Variants in RTF2 observed in about 807,000 individuals in gnomAD.
RTF2 encodes the protein UPF0549 protein C20orf43.
In RTF2, 18 loss-of-function variants were observed where a neutral mutation model predicts 38.0. That is an observed-to-expected ratio of 0.47 (90% CI 0.33 to 0.70). RTF2 has a LOEUF of 0.70. RTF2 is among the 30% of genes least tolerant of loss of function. The pLI, the probability that RTF2 is intolerant of heterozygous loss-of-function variation, is 0.02. For missense variants in RTF2, 311 were observed against 379.6 expected, an observed-to-expected ratio of 0.82 and a Z score of 1.50; for synonymous variants, 126 against 137.1, an observed-to-expected ratio of 0.92 and a Z score of 0.57.
chr20:56,512,797 C>T (rs1984763722), intron 5 of RTF2, among the ~76,000 whole-genome samples: 1 of 152,188 alleles, frequency 6.6e-6, no homozygotes, highest in African/African-American at 2.4e-5. Flanking sequence ...TCCTTACGCG[C>T]ACTCCCTCCC....
chr20:56,472,709 T>C (rs909613399), intron 1 of RTF2, among the ~76,000 whole-genome samples: 6 of 152,204 alleles, frequency 3.9e-5, no homozygotes, highest in African/African-American at 1.4e-4. Context: ...TAAGTTATTA[T>C]TAAGATTCAG....
At chr20:56,503,949 CA>C (rs1196053265) in intron 5 of RTF2, 1 of 152,688 alleles carries the variant, frequency 6.5e-6, no homozygotes, top group Non-Finnish European at 1.5e-5. Context: ...GCCTGGGTGA[CA>C]AAGTGAGACC....
intron 5 of RTF2, among the ~76,000 whole-genome samples, chr20:56,493,000 A>G (rs1983267255): frequency 6.6e-6 from 1 of 152,026 alleles, no homozygotes; most frequent in Admixed American, 6.6e-5. Flanking sequence ...ACATGGTGAC[A>G]CCTCGTCTCT....
chr20:56,517,351 G>T (rs1245054679), intron 8 of RTF2, 150 bp downstream of exon 8: 1 of 651,542 alleles, frequency 1.5e-6, no homozygotes, highest in Non-Finnish European at 2.7e-6. Context: ...CTTTAGGGGG[G>T]TAACTAAGAA....
chr20:56,470,597 A>G (rs1488994731), intron 1 of RTF2: 8 of 455,912 alleles, frequency 1.8e-5, no homozygotes, highest in Non-Finnish European at 3.5e-5. Context: ...TTGTTCTAAT[A>G]AGGCAATTAT....
intron 6 of RTF2, 199 bp from the exon 7 acceptor site, chr20:56,516,736 G>A (rs1272303931): frequency 3.2e-6 from 2 of 622,534 alleles, no homozygotes; most frequent in African/African-American, 3.7e-5. Flanking sequence ...TGAGGCAGAA[G>A]TGCATGACTG....
chr20:56,484,710 G>T (rs1418779577), intron 5 of RTF2, among the ~76,000 whole-genome samples: 1 of 152,234 alleles, frequency 6.6e-6, no homozygotes, highest in Non-Finnish European at 1.5e-5. Flanking sequence ...GCTCGCATGG[G>T]TGGCGAGTAA....
At chr20:56,512,845 C>T (rs141253375) in intron 5 of RTF2, among the ~76,000 whole-genome samples, 1,975 of 152,266 alleles carry the variant, frequency 0.013, 56 homozygotes, top group African/African-American at 0.045. Flanking sequence ...CCCCCCGCAA[C>T]GAAACTGCAA....
intron 5 of RTF2, chr20:56,504,142 CA>C (rs1307138438): frequency 6.6e-6 from 1 of 152,292 alleles, no homozygotes; most frequent in Non-Finnish European, 1.5e-5. Flanking sequence ...TCCTCCCCGG[CA>C]GCGGCGCCTG....
At chr20:56,512,981 T>G (rs1309888590) in intron 5 of RTF2, among the ~76,000 whole-genome samples, 1 of 152,166 alleles carries the variant, frequency 6.6e-6, no homozygotes, top group Non-Finnish European at 1.5e-5. Flanking sequence ...AGCAGGTAGG[T>G]GTCAGCATAG....
In RTF2 at chr20:56,491,588, T is replaced by C. The variant is rs1356460335; in HGVS notation, c.477+7399T>C. ...GTTCAGTCTCATATTGAAATGACTC[T>C]GCTGTTGAAAATGCCAGTGTGGCTC... On this transcript the variant is annotated intron_variant, in intron 5 of 8. Coordinates refer to ENST00000357348, the MANE Select transcript of RTF2 (RefSeq NM_016407.5). 5 of 1,551,250 alleles carry C rather than the reference T, an allele frequency of 3.2e-6. No homozygotes were observed. In the Admixed American group the frequency reaches 5.9e-5, roughly 18 times the overall value.
intron 5 of RTF2, among the ~76,000 whole-genome samples, chr20:56,501,432 T>TA (rs1983921996): frequency 6.6e-6 from 1 of 152,212 alleles, no homozygotes; most frequent in South Asian, 2.1e-4. Context: ...ATGCCTCTCA[T>TA]AAAAAAGTGT....
At chr20:56,505,769 T>C (rs374154712) in intron 5 of RTF2, among the ~76,000 whole-genome samples, 1 of 152,134 alleles carries the variant, frequency 6.6e-6, no homozygotes, top group Admixed American at 6.5e-5. Context: ...CTAGACGAGC[T>C]GAGCCACCCA....
intron 4 of RTF2, among the ~76,000 whole-genome samples, chr20:56,481,558 T>G (rs1982525552): frequency 6.6e-6 from 1 of 152,218 alleles, no homozygotes. Context: ...CCAGACTCAT[T>G]TACCTAACCA....
At chr20:56,515,036 A>T (rs987763089) in intron 6 of RTF2, among the ~76,000 whole-genome samples, 63 of 137,772 alleles carry the variant, frequency 4.6e-4, no homozygotes, top group African/African-American at 1.6e-3. Context: ...GACTCCCTCT[A>T]AAAAAAAAAA....
chr20:56,491,306 G>A (rs1983110294), intron 5 of RTF2, among the ~76,000 whole-genome samples: 1 of 152,174 alleles, frequency 6.6e-6, no homozygotes, highest in Non-Finnish European at 1.5e-5. Flanking sequence ...GCTTTTTACT[G>A]AAGCATTTGG....
chr20:56,483,065 C>T lies in RTF2; in HGVS notation c.399-1046C>T, dbSNP rs1281862339. Among the ~76,000 whole-genome samples the T allele has an allele frequency of 2.6e-5, 4 of 152,216 alleles. No individual in the cohort carries two copies. In the East Asian group the frequency reaches 5.8e-4, roughly 22 times the overall value. On this transcript the variant is annotated intron_variant, in intron 4 of 8. Transcript: ENST00000357348. The stretch of plus-strand genomic sequence containing the variant: ...ACAGATTTACCTTCTTTTTAATAGC[C>T]GTTTGGGTGTTTATAATTTATTTGA...
intron 4 of RTF2, among the ~76,000 whole-genome samples, chr20:56,477,337 G>A (rs573620423): frequency 7.2e-5 from 11 of 152,204 alleles, no homozygotes; most frequent in South Asian, 2.1e-4. Context: ...CCTGGTCTGC[G>A]GCCTTCCGTT....
At chr20:56,478,833 T>C (rs775376463) in intron 4 of RTF2, among the ~76,000 whole-genome samples, 64 of 152,202 alleles carry the variant, frequency 4.2e-4, no homozygotes, top group Non-Finnish European at 8.2e-4. Flanking sequence ...TTACCCACAG[T>C]AGACCTTCTT....
Sources: allele counts gnomAD v4.1 joint callset (sites outside exome capture counted in the v4.1 genomes callset), GRCh38; gene constraint gnomAD v4.1.1; transcripts MANE v1.5; gene names NCBI Gene and HGNC (gene_info 2026-07-23, HGNC 2026-07-21).